Variants in PCDHA7 observed in about 807,000 individuals in gnomAD.
PCDHA7 encodes the protein protocadherin alpha 7.
In PCDHA7, 37 loss-of-function variants were observed where a neutral mutation model predicts 57.2. That is an observed-to-expected ratio of 0.65 (90% CI 0.50 to 0.85). The LOEUF is 0.85. Ranked by LOEUF, PCDHA7 falls within the 40% of genes least tolerant of loss-of-function variation. PCDHA7 has a pLI of 0.00. For missense variants in PCDHA7, 1,188 were observed against 1,241.8 expected (o/e 0.96, Z 0.65); for synonymous variants, 553 against 558.8 (o/e 0.99, Z 0.15).
In PCDHA7 at chr5:141,009,814, A is replaced by C. The variant is rs781835321; in HGVS notation, c.2691A>C (p.Lys897Asn). Residue 897 changes from lysine to asparagine, a missense_variant, in exon 4 of 4, where the codon AAA (lysine) becomes AAC (asparagine). By Grantham distance (94) the Lys-to-Asn change is moderately conservative. Around this residue, in one of 3 missense-constraint regions of PCDHA7, gnomAD observed 892 missense variants for 788.5 expected, o/e 1.13. Coordinates refer to ENST00000525929, the MANE Select transcript of PCDHA7 (RefSeq NM_018910.3). ...RQEPTNSQID[K>N]SDFITFGKKE... ...AGCCTACTAACAGCCAAATTGACAA[A>C]AGTGACTTCATAACCTTCGGCAAAA... The C allele has an allele frequency of 6.2e-7, 1 of 1,614,124 alleles. No individual in the cohort carries two copies. The highest frequency in any genetic ancestry group is 8.5e-7 in the Non-Finnish European group (1 of 1,180,010).
At chr5:140,863,181 C>T (rs782813569) in intron 1 of PCDHA7, 5 of 753,966 alleles carry the variant, frequency 6.6e-6, no homozygotes, top group Non-Finnish European at 1.1e-5. Flanking sequence ...CTGCCACCGT[C>T]ACCGTGGTGG....
intron 1 of PCDHA7, chr5:140,870,813 C>T (rs568167153): frequency 1.2e-6 from 2 of 1,613,702 alleles, no homozygotes; most frequent in South Asian, 1.1e-5. Flanking sequence ...CTCAGGCTGG[C>T]AGCGCGGGAG....
chr5:140,893,338 T>C (rs1409461265), intron 1 of PCDHA7, among the ~76,000 whole-genome samples: 1 of 152,174 alleles, frequency 6.6e-6, no homozygotes, highest in African/African-American at 2.4e-5. Context: ...TTTTCCTTAG[T>C]GGCAGTGCTA....
rs147892853 is a variant in PCDHA7 at position 140,979,173 on chromosome 5, C to A, written c.2414+166C>A. ...CCCATGTTTATTCCTTGAAAGATCG[C>A]AAATGGTCAGTGCCAGATGCTTATC... On this transcript the variant is annotated intron_variant, in intron 2 of 3. Transcript: ENST00000525929. The A allele has an allele frequency of 5.2e-6, 5 of 958,838 alleles. No individual in the cohort carries two copies. The Admixed American group carries it at 3.1e-4, about 59-fold the overall frequency. 59.4% of individuals were successfully genotyped at this position (958,838 alleles called of 1,614,324 possible).
chr5:140,944,799 G>A (rs1160069845), intron 1 of PCDHA7, among the ~76,000 whole-genome samples: 2 of 152,090 alleles, frequency 1.3e-5, no homozygotes, highest in Non-Finnish European at 2.9e-5. Flanking sequence ...CAAGTCTGTC[G>A]AGGGTCCACA....
intron 3 of PCDHA7, among the ~76,000 whole-genome samples, chr5:140,995,476 A>G (rs2097685199): frequency 6.6e-6 from 1 of 152,210 alleles, no homozygotes; most frequent in Non-Finnish European, 1.5e-5. Flanking sequence ...TTTTTCATTT[A>G]ATATTTTCAG....
At chr5:140,840,282 G>T (rs1294599981) in intron 1 of PCDHA7, among the ~76,000 whole-genome samples, 1 of 151,906 alleles carries the variant, frequency 6.6e-6, no homozygotes, top group Non-Finnish European at 1.5e-5. Context: ...TGGGTTTTGG[G>T]TGATTATTGA....
intron 1 of PCDHA7, chr5:140,849,864 C>G (rs1554143420): frequency 6.3e-7 from 1 of 1,598,642 alleles, no homozygotes; most frequent in South Asian, 1.1e-5. Context: ...AGCGTTCGCG[C>G]AGTCCGAGTA....
chr5:140,870,257 C>T (rs1554163963), intron 1 of PCDHA7: 1 of 1,614,172 alleles, frequency 6.2e-7, no homozygotes, highest in Non-Finnish European at 8.5e-7. Context: ...GGACAGGTGA[C>T]CTGCTCGCTG....
At chr5:140,967,972 G>A (rs781888174) in intron 1 of PCDHA7, 88 of 1,614,072 alleles carry the variant, frequency 5.5e-5, no homozygotes, top group Non-Finnish European at 7.3e-5. Flanking sequence ...AAGTGAGCCT[G>A]GGTCTGGAGG....
intron 1 of PCDHA7, chr5:140,869,536 T>G: frequency 6.2e-7 from 1 of 1,614,170 alleles, no homozygotes; most frequent in Non-Finnish European, 8.5e-7. Flanking sequence ...GATTGCGGAA[T>G]CTAAGCAATC....
chr5:140,857,428 G>A lies in PCDHA7; in HGVS notation c.2355+20690G>A, dbSNP rs782142394. On this transcript the variant is annotated intron_variant, in intron 1 of 3. Coordinates refer to ENST00000525929, the MANE Select transcript of PCDHA7 (RefSeq NM_018910.3). ...CTGCGTTCGCGCAGTCCGAGTACACGGTGTTCGTGAAGGAGAACAACCCGC... is the reference window on the plus strand; with the variant it reads ...CTGCGTTCGCGCAGTCCGAGTACACAGTGTTCGTGAAGGAGAACAACCCGC... The A allele has an allele frequency of 3.8e-6, 6 of 1,598,456 alleles. 1 individual carries two copies. Among genetic ancestry groups the A allele is most frequent in the Non-Finnish European group, 5.1e-6 (6 of 1,167,860 alleles).
Position 140,836,529 on chromosome 5 carries a change from C to T in PCDHA7, c.2146C>T (p.Leu716=), listed in dbSNP as rs2150262984. The change falls in exon 1 of 4, where the codon CTG becomes TTG. Residue 716 remains leucine (L), a synonymous_variant. Transcript: ENST00000525929. ...AVSSLLVLTL[L]LYTALRCSAP... is the part of the protein sequence containing the mutation. ...GTCCAGTCTGTTGGTGCTTACCCTG[C>T]TGCTGTACACGGCGTTGCGGTGCTC... is the stretch of plus-strand genomic sequence containing the variant. The T allele has an allele frequency of 6.2e-7, 1 of 1,613,824 alleles. No homozygotes were observed. The highest frequency in any genetic ancestry group is 1.7e-5 in the Admixed American group (1 of 60,012).
At chr5:140,915,015 G>T (rs1469800021) in intron 1 of PCDHA7, among the ~76,000 whole-genome samples, 3 of 146,766 alleles carry the variant, frequency 2.0e-5, no homozygotes, top group Non-Finnish European at 4.5e-5. Flanking sequence ...GCCTGATCTT[G>T]GCTCACTGCA....
Position 140,982,581 on chromosome 5 carries a change from C to T in PCDHA7, c.2503+18C>T, listed in dbSNP as rs782060139. On this transcript the variant is annotated intron_variant, in intron 3 of 3. Transcript: ENST00000525929. ...AACACCAGGTAAAGAGCTGGGGTCT[C>T]TCCATTCTTTCTTGGTTTCTGGAAA... 9 of 1,612,098 alleles carry T rather than the reference C, an allele frequency of 5.6e-6. No individual in the cohort carries two copies. The highest frequency in any genetic ancestry group is 4.0e-5 in the African/African-American group (3 of 74,892).
chr5:141,009,724 T>C lies in PCDHA7; in HGVS notation c.2601T>C (p.Gly867=). ...KYGPGNPKQS[G]PGELPDKFII... The stretch of plus-strand genomic sequence containing the variant: ...GACCAGGCAACCCCAAACAATCCGG[T>C]CCCGGTGAGTTGCCCGACAAATTCA... Residue 867 remains glycine, a synonymous_variant, in exon 4 of 4, where the codon GGT becomes GGC. Transcript: ENST00000525929. 6.2e-7 allele frequency: 1 copy of C among 1,614,116 alleles called. No individual in the cohort carries two copies. Among genetic ancestry groups the C allele is most frequent in the South Asian group, 1.1e-5 (1 of 91,062 alleles).
At chr5:140,953,413 C>T (rs965115726) in intron 1 of PCDHA7, among the ~76,000 whole-genome samples, 1 of 152,120 alleles carries the variant, frequency 6.6e-6, no homozygotes, top group Non-Finnish European at 1.5e-5. Context: ...GCTCCTGGCT[C>T]CTCCCCTTTG....
At chr5:140,937,199 G>T (rs2091405017) in intron 1 of PCDHA7, among the ~76,000 whole-genome samples, 1 of 151,792 alleles carries the variant, frequency 6.6e-6, no homozygotes, top group African/African-American at 2.4e-5. Flanking sequence ...CACCATGCCC[G>T]GCTAATTTTT....
chr5:140,945,807 C>G (rs1408404648), intron 1 of PCDHA7, among the ~76,000 whole-genome samples: 1 of 152,120 alleles, frequency 6.6e-6, no homozygotes, highest in African/African-American at 2.4e-5. Context: ...AGACCCTTAT[C>G]TCACACTGTA....
Sources: gnomAD v4.1 joint callset for allele counts (sites outside exome capture counted in the v4.1 genomes callset) on GRCh38, gnomAD v4.1.1 for gene constraint, gnomAD v4.1.1 regional missense constraint, MANE v1.5 for transcripts, NCBI Gene and HGNC (gene_info 2026-07-23, HGNC 2026-07-21) for gene names.